The following ACP3 variants were observed in gnomAD, a reference collection of about 807,000 sequenced individuals.
ACP3 encodes acid phosphatase 3.
A neutral mutation model predicts 45.6 loss-of-function variants in ACP3; 38 were observed. The ratio of observed to expected loss-of-function variants is 0.83; its 90% confidence interval spans 0.64 to 1.09. ACP3 has a LOEUF of 1.09. Among genes scored for constraint, ACP3 ranks in the 50% least tolerant of loss-of-function variants. The probability of loss-of-function intolerance (pLI) is 0.00; values close to 1 mark genes in which losing one functional copy is unlikely to be tolerated. For missense variants in ACP3, 466 were observed against 463.2 expected, an observed-to-expected ratio of 1.01 and a Z score of -0.05; for synonymous variants, 162 against 164.7, an observed-to-expected ratio of 0.98 and a Z score of 0.13.
At position 132,356,729 on chromosome 3, in the gene ACP3, G is replaced by A. The variant is rs373024039; in HGVS notation, c.1012G>A (p.Glu338Lys). Residue 338 changes from glutamate to lysine, a missense_variant, in exon 10 of 10, where the codon GAG (glutamate) becomes AAG (lysine). By Grantham distance (56) the Glu-to-Lys change is moderately conservative. Coordinates refer to ENST00000336375, the MANE Select transcript of ACP3 (RefSeq NM_001099.5). ...GTACTATCGGAATGAGACGCAGCAC[G>A]AGCCGTATCCCCTCATGCTACCTGG... ...EMYYRNETQH[E>K]PYPLMLPGCS... 1.3e-5 allele frequency: 21 copies of A among 1,614,030 alleles called. No individual in the cohort carries two copies. The highest frequency in any genetic ancestry group is 1.2e-4 in the African/African-American group (9 of 74,898).
In ACP3 at chr3:132,352,786, GCTT is replaced by G; in HGVS notation, c.935_937del (p.Ser312del). The G allele has an allele frequency of 1.2e-6, 2 of 1,613,698 alleles. No homozygotes were observed. The highest frequency in any genetic ancestry group is 1.7e-6 in the Non-Finnish European group (2 of 1,179,642). ...TTACAACGGACTCCTTCCTCCCTAT[GCTT>G]CTTGCCACTTGACGGAATTGTACTT... On this transcript the variant is annotated inframe_deletion, in exon 9 of 10. Transcript: ENST00000336375.
chr3:132,317,531 G>A lies in ACP3; in HGVS notation c.75G>A (p.Trp25Ter). 1.2e-6 allele frequency: 2 copies of A among 1,613,620 alleles called. No homozygotes were observed. Among genetic ancestry groups the A allele is most frequent in the Non-Finnish European group, 8.5e-7 (1 of 1,179,788 alleles). ...GCTTCTTGTTTCTGCTTTTTTTCTG[G>A]CTAGACCGAAGTGTACTAGCCAAGG... ...SLGFLFLLFF[W>*]LDRSVLAKEL... The change falls in exon 1 of 10, where the codon TGG becomes TGA. Residue 25 changes from tryptophan (W) to a stop codon, truncating the protein, a stop_gained. Transcript: ENST00000336375. LOFTEE classifies it high-confidence loss of function.
chr3:132,319,582 A>T (rs1937168911), intron 1 of ACP3, among the ~76,000 whole-genome samples: 1 of 152,228 alleles, frequency 6.6e-6, no homozygotes, highest in African/African-American at 2.4e-5. Context: ...GGCATCCTGT[A>T]TGTTTATTTG....
In ACP3 at chr3:132,358,414, C is replaced by A; in HGVS notation, c.*1536C>A. ...TCTTCAGAAAACCTAAGCAAACTTA[C>A]AGGTCCTGCTGAAACTGCCCACTCT... On this transcript the variant is annotated 3_prime_UTR_variant, in exon 10 of 10. Transcript: ENST00000336375. The A allele has an allele frequency of 7.9e-7, 1 of 1,264,878 alleles. No homozygotes were observed. Among genetic ancestry groups the A allele is most frequent in the Non-Finnish European group, 1.0e-6 (1 of 974,470 alleles). The allele number at this position is 1,264,878 out of a possible 1,614,324, so 78.4% of individuals were successfully genotyped here.
At chr3:132,327,925 C>G (rs556435640) in intron 1 of ACP3, among the ~76,000 whole-genome samples, 1 of 152,214 alleles carries the variant, frequency 6.6e-6, no homozygotes, top group Admixed American at 6.5e-5. Flanking sequence ...ACAAACCGAT[C>G]TCCATTATGT....
At chr3:132,328,609 G>T (rs1042183755) in intron 2 of ACP3, among the ~76,000 whole-genome samples, 1 of 149,016 alleles carries the variant, frequency 6.7e-6, no homozygotes, top group Admixed American at 6.8e-5. Context: ...AACCTGGGAA[G>T]TGGAGGTTGC....
chr3:132,329,770 T>C (rs849146), intron 2 of ACP3, among the ~76,000 whole-genome samples: 102,741 of 151,998 alleles, frequency 0.68, 35,276 homozygotes, highest in East Asian at 0.94. Flanking sequence ...TGTCAAAATG[T>C]AGATTCTAAT....
chr3:132,342,634 T>C lies in ACP3; in HGVS notation c.638T>C (p.Leu213Ser), dbSNP rs1452382266. Residue 213 changes from leucine (L) to serine (S), a missense_variant, in exon 6 of 10, where the codon TTA becomes TCA. Transcript: ENST00000336375. ...ATTTGGAGTAAAGTCTACGACCCTT[T>C]ATATTGTGAGGTAAAAGAAAAAAAA... The part of the protein sequence containing the change: ...FGIWSKVYDP[L>S]YCESVHNFTL... 2.5e-6 allele frequency: 4 copies of C among 1,593,532 alleles called. No homozygotes were observed. Among genetic ancestry groups the C allele is most frequent in the Non-Finnish European group, 1.7e-6 (2 of 1,172,846 alleles).
At chr3:132,367,699 C>T (rs756672138) in intron 10 of ACP3, 2 of 1,590,628 alleles carry the variant, frequency 1.3e-6, no homozygotes, top group Non-Finnish European at 1.7e-6. Context: ...CCTATTTTCC[C>T]ACAGTTCTAA....
Position 132,317,452 on chromosome 3 carries a change from T to C in ACP3, c.-5T>C, listed in dbSNP as rs1349363256. On this transcript the variant is annotated 5_prime_UTR_variant, in exon 1 of 10. Coordinates refer to ENST00000336375, the MANE Select transcript of ACP3 (RefSeq NM_001099.5). ...TAACTCCTGCCAGAAACAGCTCTCCTCAACATGAGAGCTGCACCCCTCCTC... is the reference window on the plus strand; with the variant it reads ...TAACTCCTGCCAGAAACAGCTCTCCCCAACATGAGAGCTGCACCCCTCCTC... 1 of 1,611,042 alleles carries C rather than the reference T, an allele frequency of 6.2e-7. No individual in the cohort carries two copies. The highest frequency in any genetic ancestry group is 8.5e-7 in the Non-Finnish European group (1 of 1,178,924).
chr3:132,332,390 G>A (rs770297781), intron 4 of ACP3, 46 bp downstream of exon 4: 1 of 1,607,110 alleles, frequency 6.2e-7, no homozygotes, highest in Non-Finnish European at 8.5e-7. Context: ...GACCTAGAAT[G>A]AGGAAGGCAG....
chr3:132,356,768 T>C lies in ACP3; in HGVS notation c.1051T>C (p.Cys351Arg). ...CATGCTACCTGGCTGCAGCCCCAGCTGTCCTCTGGAGAGGTTTGCTGAGCT... is the reference window on the plus strand; with the variant it reads ...CATGCTACCTGGCTGCAGCCCCAGCCGTCCTCTGGAGAGGTTTGCTGAGCT... ...PLMLPGCSPS[C>R]PLERFAELVG... Residue 351 changes from cysteine to arginine, a missense_variant, in exon 10 of 10, where the codon TGT becomes CGT. By Grantham distance (180) the Cys-to-Arg change is radical. Transcript: ENST00000336375. 1 of 1,614,186 alleles carries C rather than the reference T, an allele frequency of 6.2e-7. No homozygotes were observed. Among genetic ancestry groups the C allele is most frequent in the Non-Finnish European group, 8.5e-7 (1 of 1,180,024 alleles).
chr3:132,321,858 T>G (rs2107791750), intron 1 of ACP3, among the ~76,000 whole-genome samples: 1 of 152,320 alleles, frequency 6.6e-6, no homozygotes, highest in African/African-American at 2.4e-5. Flanking sequence ...TTAGCTAAGC[T>G]AAATGTCTGA....
At chr3:132,336,628 G>C (rs920365525) in intron 4 of ACP3, among the ~76,000 whole-genome samples, 2 of 152,182 alleles carry the variant, frequency 1.3e-5, no homozygotes, top group Admixed American at 1.3e-4. Context: ...CAGTTGGGGA[G>C]TGTTCAAGGC....
chr3:132,320,029 A>G (rs955510930), intron 1 of ACP3, among the ~76,000 whole-genome samples: 1 of 136,830 alleles, frequency 7.3e-6, no homozygotes, highest in African/African-American at 2.4e-5. Flanking sequence ...ACAAGTTGTT[A>G]ACAGGTGTAC....
In ACP3 at chr3:132,352,743, A is replaced by T. The variant is rs1167604857; in HGVS notation, c.888A>T (p.Leu296=). ...AGCATGACACTACTGTGAGTGGCCTACAGATGGCGCTAGATGTTTACAACG... is the reference window on the plus strand; with the variant it reads ...AGCATGACACTACTGTGAGTGGCCTTCAGATGGCGCTAGATGTTTACAACG... ...YSAHDTTVSG[L]QMALDVYNGL... is the part of the protein sequence containing the mutation. Residue 296 remains leucine, a synonymous_variant, in exon 9 of 10, where the codon CTA becomes CTT. Coordinates refer to ENST00000336375, the MANE Select transcript of ACP3 (RefSeq NM_001099.5). The T allele has an allele frequency of 6.2e-7, 1 of 1,613,536 alleles. No homozygotes were observed. The highest frequency in any genetic ancestry group is 2.2e-5 in the East Asian group (1 of 44,864).
intron 6 of ACP3, among the ~76,000 whole-genome samples, chr3:132,344,277 CAAAAAA>C (rs56793876): frequency 1.0e-5 from 1 of 99,362 alleles, no homozygotes. Context: ...GATTCTGTCT[CAAAAAA>C]AAAAAAAAAA....
rs749361161 is a variant in ACP3, at chr3:132,328,291, C to T, written c.145C>T (p.Pro49Ser). The stretch of plus-strand genomic sequence containing the variant: ...GGTGTTTCGGCATGGAGACCGAAGT[C>T]CCATTGACACCTTTCCCACTGACCC... ...TLVFRHGDRSPIDTFPTDPIK... is the reference protein window; with the variant it reads ...TLVFRHGDRSSIDTFPTDPIK... Residue 49 changes from proline to serine, a missense_variant, in exon 2 of 10, where the codon CCC (proline) becomes TCC (serine). Physicochemically the swap from Pro to Ser is moderately conservative, Grantham distance 74. Coordinates refer to ENST00000336375, the MANE Select transcript of ACP3 (RefSeq NM_001099.5). 5.0e-6 allele frequency: 8 copies of T among 1,613,766 alleles called. No homozygotes were observed. In the African/African-American group the frequency reaches 1.1e-4, roughly 22 times the overall value.
At position 132,335,596 on chromosome 3, in the gene ACP3, T is replaced by C. The variant is rs144711037; in HGVS notation, c.457-1860T>C. ...GATAAAGAAGTAAAATAAAATAATG[T>C]CAGATGGCGATGAGTTCCTGGAAAG... is the stretch of plus-strand genomic sequence containing the variant. On this transcript the variant is annotated intron_variant, in intron 4 of 9. Coordinates refer to ENST00000336375, the MANE Select transcript of ACP3 (RefSeq NM_001099.5). Among the ~76,000 whole-genome samples the C allele has an allele frequency of 5.4e-3, 816 of 152,268 alleles. 10 individuals are homozygous for C. The highest frequency in any genetic ancestry group is 5.5e-3 in the Admixed American group (84 of 15,290).
Sources: gnomAD v4.1 joint callset for allele counts (sites outside exome capture counted in the v4.1 genomes callset) on GRCh38, gnomAD v4.1.1 for gene constraint, MANE v1.5 for transcripts, NCBI Gene and HGNC (gene_info 2026-07-23, HGNC 2026-07-21) for gene names.